Variants in PHGR1 observed in about 807,000 individuals in gnomAD.
PHGR1 encodes the protein proline, histidine and glycine-rich protein 1.
In PHGR1, 3 loss-of-function variants were observed where a neutral mutation model predicts 4.9. The observed-to-expected ratio is 0.61, with a 90% CI of 0.28 to 1.58. The LOEUF is 1.58. Among genes scored for constraint, PHGR1 ranks in the 40% most tolerant of loss-of-function variants. The pLI is 0.11. For missense variants in PHGR1, 81 were observed against 118.7 expected (o/e 0.68, Z 1.48); for synonymous variants, 32 against 46.1 (o/e 0.69, Z 1.24).
intron 1 of PHGR1, among the ~76,000 whole-genome samples, chr15:40,352,704 C>T (rs1304550347): frequency 6.6e-6 from 1 of 152,196 alleles, no homozygotes; most frequent in Non-Finnish European, 1.5e-5. Flanking sequence ...CCATTCCTGT[C>T]CTAGCAAACC....
chr15:40,355,983 C>G, intron 3 of PHGR1, 90 bp from the exon 4 acceptor site: 1 of 1,337,646 alleles, frequency 7.5e-7, no homozygotes, highest in Non-Finnish European at 1.0e-6. Context: ...AATCCTGAGT[C>G]CCCCAGGGAA....
chr15:40,352,134 T>C (rs1480906326), intron 1 of PHGR1, among the ~76,000 whole-genome samples: 1 of 152,000 alleles, frequency 6.6e-6, no homozygotes, highest in Non-Finnish European at 1.5e-5. Context: ...ACCCTGGAGG[T>C]CGAGGCTTCA....
In PHGR1 at chr15:40,353,151, G is replaced by A. The variant is rs549138259; in HGVS notation, c.-26-81G>A. The A allele has an allele frequency of 7.0e-6, 9 of 1,283,524 alleles. No individual in the cohort carries two copies. The African/African-American group carries it at 7.5e-5, about 11-fold the overall frequency. The allele number at this position is 1,283,524 out of a possible 1,614,324, so 79.5% of individuals were successfully genotyped here. A position where few individuals can be genotyped will look rare whatever the true frequency, so the allele number is the denominator to read the frequency against. The stretch of plus-strand genomic sequence containing the variant: ...TGTGTGTGTGTGTGTGTGTGTGCGC[G>A]CGCGCGCGCATCCGTGGGAGGGAGA... On this transcript the variant is annotated intron_variant, in intron 1 of 3. Transcript: ENST00000448599.
At chr15:40,351,323 G>A (rs986148180) in intron 1 of PHGR1, among the ~76,000 whole-genome samples, 1 of 152,176 alleles carries the variant, frequency 6.6e-6, no homozygotes, top group African/African-American at 2.4e-5. Context: ...AGCTGAGAGT[G>A]GAAGAAATTG....
intron 1 of PHGR1, among the ~76,000 whole-genome samples, chr15:40,352,012 C>T (rs1339513097): frequency 6.6e-6 from 1 of 152,202 alleles, no homozygotes; most frequent in Admixed American, 6.5e-5. Flanking sequence ...GCTGGGATTA[C>T]AGGCATGAGC....
At chr15:40,353,566 C>A in intron 2 of PHGR1, 1 of 387,988 alleles carries the variant, frequency 2.6e-6, no homozygotes, top group East Asian at 4.4e-5. Context: ...AGGGAAAGGC[C>A]ATAGAGGTGC....
At chr15:40,351,742 A>G (rs77945550) in intron 1 of PHGR1, among the ~76,000 whole-genome samples, 1 of 151,754 alleles carries the variant, frequency 6.6e-6, no homozygotes, top group Non-Finnish European at 1.5e-5. Context: ...TCTACAAAAC[A>G]ATTTTTTTTT....
chr15:40,353,085 G>GT (rs1219847806), intron 1 of PHGR1, 147 bp from the exon 2 acceptor site: 2 of 898,366 alleles, frequency 2.2e-6, no homozygotes, highest in South Asian at 1.7e-5. Flanking sequence ...GGAGGGAGCA[G>GT]TTTTTTCCCT....
intron 1 of PHGR1, among the ~76,000 whole-genome samples, chr15:40,352,398 A>G (rs1889217596): frequency 6.6e-6 from 1 of 152,028 alleles, no homozygotes; most frequent in Non-Finnish European, 1.5e-5. Context: ...TTGAGGGTTG[A>G]AAAAAAATGA....
At chr15:40,352,367 C>T (rs369615752) in intron 1 of PHGR1, among the ~76,000 whole-genome samples, 34 of 152,068 alleles carry the variant, frequency 2.2e-4, no homozygotes, top group African/African-American at 8.0e-4. Flanking sequence ...TTGCTCCTGA[C>T]GTCACATACT....
At chr15:40,354,494 C>T (rs1341681948) in intron 3 of PHGR1, 142 bp downstream of exon 3, 2 of 1,058,578 alleles carry the variant, frequency 1.9e-6, no homozygotes, top group Non-Finnish European at 2.7e-6. Flanking sequence ...GCAGCAGCCC[C>T]GTGGAGTGGG....
chr15:40,355,183 A>C (rs548970182), intron 3 of PHGR1, among the ~76,000 whole-genome samples: 88 of 151,906 alleles, frequency 5.8e-4, no homozygotes, highest in African/African-American at 1.6e-3. Flanking sequence ...CAAAAAAAAA[A>C]CAAAAAACTC....
intron 3 of PHGR1, among the ~76,000 whole-genome samples, 190 bp downstream of exon 3, chr15:40,354,542 T>C (rs543889437): frequency 6.6e-6 from 1 of 152,092 alleles, no homozygotes; most frequent in African/African-American, 2.4e-5. Flanking sequence ...CACCCCCTGC[T>C]GGCTGCAGCC....
At chr15:40,352,223 T>C (rs887698775) in intron 1 of PHGR1, among the ~76,000 whole-genome samples, 2 of 152,116 alleles carry the variant, frequency 1.3e-5, no homozygotes, top group African/African-American at 4.8e-5. Flanking sequence ...AAAGAGGCAC[T>C]AAGGCTCCCT....
rs1049135336 is a variant in PHGR1, at chr15:40,356,223, C to A, written c.169C>A (p.Pro57Thr). ...PGHGPGPCGP[P>T]PHHGPGPCGP... ...CCATGGCCCAGGGCCCTGCGGGCCACCCCCCCACCATGGTCCAGGGCCCTG... is the reference window on the plus strand; with the variant it reads ...CCATGGCCCAGGGCCCTGCGGGCCAACCCCCCACCATGGTCCAGGGCCCTG... The change falls in exon 4 of 4, where the codon CCC (proline) becomes ACC (threonine). Residue 57 changes from proline (P) to threonine (T), a missense_variant. Transcript: ENST00000448599. The A allele has an allele frequency of 6.7e-7, 1 of 1,500,888 alleles. No individual in the cohort carries two copies. The highest frequency in any genetic ancestry group is 2.1e-5 in the Admixed American group (1 of 47,622). 93.0% of individuals were successfully genotyped at this position (1,500,888 alleles called of 1,614,324 possible).
chr15:40,354,183 G>C (rs1889252341), intron 2 of PHGR1, among the ~76,000 whole-genome samples, 162 bp from the exon 3 acceptor site: 1 of 152,236 alleles, frequency 6.6e-6, no homozygotes, highest in Non-Finnish European at 1.5e-5. Flanking sequence ...CTGAGAGAAT[G>C]AATGAAGGAA....
chr15:40,355,384 C>G (rs1889276508), intron 3 of PHGR1, among the ~76,000 whole-genome samples: 1 of 152,188 alleles, frequency 6.6e-6, no homozygotes, highest in Non-Finnish European at 1.5e-5. Flanking sequence ...ACCATGCACT[C>G]CATGCACGTA....
At chr15:40,352,943 T>C (rs1169851173) in intron 1 of PHGR1, among the ~76,000 whole-genome samples, 1 of 152,160 alleles carries the variant, frequency 6.6e-6, no homozygotes, top group Non-Finnish European at 1.5e-5. Flanking sequence ...TGTAAGAGTA[T>C]GGGGTGTAGG....
chr15:40,351,840 G>A (rs1199023840), intron 1 of PHGR1, among the ~76,000 whole-genome samples: 1 of 152,082 alleles, frequency 6.6e-6, no homozygotes, highest in African/African-American at 2.4e-5. Context: ...GGGTTCAAGC[G>A]ATTCTTCTGT....
Sources: gnomAD v4.1 joint callset for allele counts (sites outside exome capture counted in the v4.1 genomes callset) on GRCh38, gnomAD v4.1.1 for gene constraint, MANE v1.5 for transcripts, NCBI Gene and HGNC (gene_info 2026-07-23, HGNC 2026-07-21) for gene names.